GRAMD1B: variants seen among roughly 807,000 people sequenced by gnomAD.
GRAMD1B encodes protein Aster-B.
Under a neutral mutation model 99.7 loss-of-function variants are expected in GRAMD1B, and 37 were observed. The observed-to-expected ratio is 0.37, with a 90% CI of 0.29 to 0.49. The LOEUF (loss-of-function observed/expected upper bound fraction) is 0.49, where lower values mean the gene tolerates loss of function less well. Ranked by LOEUF, GRAMD1B falls within the 20% of genes least tolerant of loss-of-function variation. The pLI, the probability that GRAMD1B is intolerant of heterozygous loss-of-function variation, is 0.98. For synonymous variants in GRAMD1B, 427 were observed against 387.6 expected (o/e 1.10, Z -1.19); for missense variants, 888 against 1,009.2 (o/e 0.88, Z 1.63).
intron 10 of GRAMD1B, among the ~76,000 whole-genome samples, chr11:123,605,994 C>G (rs1952659007): frequency 6.6e-6 from 1 of 152,032 alleles, no homozygotes; most frequent in Non-Finnish European, 1.5e-5. Flanking sequence ...GGAGGTAGAA[C>G]CTTGATGAGG....
At chr11:123,461,610 T>A (rs1285015444) in intron 1 of GRAMD1B, among the ~76,000 whole-genome samples, 1 of 152,224 alleles carries the variant, frequency 6.6e-6, no homozygotes, top group Non-Finnish European at 1.5e-5. Context: ...GTTGTTGTTG[T>A]TGTTTTGTTT....
intron 2 of GRAMD1B, among the ~76,000 whole-genome samples, chr11:123,487,016 C>G (rs963900333): frequency 3.3e-5 from 5 of 152,226 alleles, no homozygotes; most frequent in African/African-American, 1.2e-4. Flanking sequence ...GTGCAGTGAG[C>G]TGAGATCGCA....
At chr11:123,546,374 A>G (rs1386521244) in intron 2 of GRAMD1B, among the ~76,000 whole-genome samples, 1 of 152,196 alleles carries the variant, frequency 6.6e-6, no homozygotes, top group African/African-American at 2.4e-5. Context: ...TTGCTCAACT[A>G]CTACTTTTCT....
At position 123,397,833 on chromosome 11, in the gene GRAMD1B, G is replaced by C. The variant is rs543594458; in HGVS notation, c.-176+39034G>C. Reference sequence around the variant, plus strand: ...CTAGAATTTCATGTATAAGTACATAGAATATGTACTTTCCCATCTGGCCTC... The same window carrying C: ...CTAGAATTTCATGTATAAGTACATACAATATGTACTTTCCCATCTGGCCTC... On this transcript the variant is annotated intron_variant, in intron 1 of 20. Transcript: ENST00000638157. 2.6e-5 allele frequency among the ~76,000 whole-genome samples: 4 copies of C among 152,254 alleles called. No individual in the cohort carries two copies. The South Asian group carries it at 8.3e-4, about 32-fold the overall frequency.
At chr11:123,573,330 T>C (rs1948367611) in intron 2 of GRAMD1B, among the ~76,000 whole-genome samples, 1 of 152,186 alleles carries the variant, frequency 6.6e-6, no homozygotes, top group South Asian at 2.1e-4. Flanking sequence ...TCTTTAATCA[T>C]CAAAAAGGAT....
chr11:123,615,551 G>A (rs1954248755), intron 17 of GRAMD1B, among the ~76,000 whole-genome samples: 2 of 152,192 alleles, frequency 1.3e-5, no homozygotes, highest in Non-Finnish European at 2.9e-5. Context: ...CAGGCGTGGT[G>A]GCAGGCGCCT....
In GRAMD1B at chr11:123,627,505, G is replaced by A. The variant is rs1338206571; in HGVS notation, c.*4910G>A. ...CCCCTGGATAATCCTGACGTGGGGTGGAGTGGGGTGAGGCAGAGGGAGCAG... is the reference window on the plus strand; with the variant it reads ...CCCCTGGATAATCCTGACGTGGGGTAGAGTGGGGTGAGGCAGAGGGAGCAG... On this transcript the variant is annotated 3_prime_UTR_variant, in exon 20 of 20. Transcript: ENST00000635736. 2 of 152,368 alleles carry A rather than the reference G, an allele frequency of 1.3e-5. No homozygotes were observed. The highest frequency in any genetic ancestry group is 4.8e-5 in the African/African-American group (2 of 41,480). 9.4% of individuals were successfully genotyped at this position (152,368 alleles called of 1,614,324 possible).
At chr11:123,402,922 C>A (rs1947718569) in intron 1 of GRAMD1B, among the ~76,000 whole-genome samples, 1 of 151,828 alleles carries the variant, frequency 6.6e-6, no homozygotes. Context: ...ACCATTTGAC[C>A]CAGCAATCCC....
chr11:123,399,898 C>T (rs1416552274), intron 1 of GRAMD1B, among the ~76,000 whole-genome samples: 1 of 152,126 alleles, frequency 6.6e-6, no homozygotes, highest in Non-Finnish European at 1.5e-5. Context: ...GGGATTACTG[C>T]ACCTGGCCCT....
chr11:123,531,450 A>G (rs1030449499), intron 2 of GRAMD1B, among the ~76,000 whole-genome samples: 2 of 152,218 alleles, frequency 1.3e-5, no homozygotes, highest in Non-Finnish European at 2.9e-5. Context: ...TCTAAGAAGA[A>G]AGAAAGAATG....
rs1948824802 is a variant in GRAMD1B at position 123,430,565 on chromosome 11, C to T, written c.-228C>T. ...CCCTCCCGGGTGGCCTCGCCGGCGGCTGACGGCCCGGAGGACGCGCGCTCC... is the reference window on the plus strand; with the variant it reads ...CCCTCCCGGGTGGCCTCGCCGGCGGTTGACGGCCCGGAGGACGCGCGCTCC... On this transcript the variant is annotated 5_prime_UTR_variant, in exon 1 of 20. Transcript: ENST00000635736. 4 of 451,236 alleles carry T rather than the reference C, an allele frequency of 8.9e-6. No homozygotes were observed. The highest frequency in any genetic ancestry group is 1.2e-5 in the Non-Finnish European group (3 of 256,908). 28.0% of individuals were successfully genotyped at this position (451,236 alleles called of 1,614,324 possible). A position where few individuals can be genotyped will look rare whatever the true frequency, so the allele number is the denominator to read the frequency against.
rs1012131362 is a variant in GRAMD1B, at chr11:123,591,874, G to A, written c.685-2208G>A. ...CTGGCTGACTTAGCAGGCCAGGGCT[G>A]GATTCACTCTCCCCTCTCCCTGCCA... is the stretch of plus-strand genomic sequence containing the variant. On this transcript the variant is annotated intron_variant, in intron 4 of 19. Coordinates refer to ENST00000635736, the MANE Select transcript of GRAMD1B (RefSeq NM_001387025.1). This position sits in a 1 kb window ranked among gnomAD's most constrained non-coding sequence, Gnocchi z 4.7. Among the ~76,000 whole-genome samples the A allele has an allele frequency of 3.3e-5, 5 of 152,156 alleles. No homozygotes were observed. The highest frequency in any genetic ancestry group is 4.4e-5 in the Non-Finnish European group (3 of 68,036).
At chr11:123,572,882 C>T (rs893772950) in intron 2 of GRAMD1B, among the ~76,000 whole-genome samples, 1 of 147,778 alleles carries the variant, frequency 6.8e-6, no homozygotes, top group African/African-American at 2.5e-5. Flanking sequence ...GCCCCGATGG[C>T]TGGGACAGGG....
intron 2 of GRAMD1B, among the ~76,000 whole-genome samples, chr11:123,487,455 C>T (rs1265688763): frequency 5.9e-5 from 9 of 152,154 alleles, no homozygotes; most frequent in Admixed American, 3.9e-4. Flanking sequence ...GTTGCTGCAG[C>T]GCCATATCCT....
rs191859137 is a variant in GRAMD1B, at chr11:123,378,035, G to A, written c.-176+19236G>A. On this transcript the variant is annotated intron_variant, in intron 1 of 20. Coordinates refer to the GRAMD1B transcript ENST00000638157. ...ATATTTCTGTGTCCACAGGTACAAA[G>A]CCAAGGACCTATGTGTTCTAGTGGT... Among the ~76,000 whole-genome samples the A allele has an allele frequency of 9.0e-3, 1,375 of 152,296 alleles. 9 individuals carry two copies. The highest frequency in any genetic ancestry group is 0.013 in the Non-Finnish European group (882 of 68,012).
intron 1 of GRAMD1B, among the ~76,000 whole-genome samples, chr11:123,469,737 TTC>T (rs756659350): frequency 3.2e-5 from 4 of 126,272 alleles, no homozygotes; most frequent in Admixed American, 8.0e-5. Flanking sequence ...TTTTCTTTCT[TTC>T]TCTTTCTTTC....
At chr11:123,582,861 A>G (rs1026650367) in intron 3 of GRAMD1B, among the ~76,000 whole-genome samples, 1 of 152,136 alleles carries the variant, frequency 6.6e-6, no homozygotes, top group African/African-American at 2.4e-5. Flanking sequence ...ACGCTTTAAC[A>G]CCAGGTGGAG....
intron 2 of GRAMD1B, among the ~76,000 whole-genome samples, chr11:123,548,884 T>C (rs1945331136): frequency 6.6e-6 from 1 of 152,192 alleles, no homozygotes; most frequent in African/African-American, 2.4e-5. Context: ...ACTGGGATTA[T>C]AGGCAAGAGC....
chr11:123,440,680 A>G (rs1338831995), intron 1 of GRAMD1B, among the ~76,000 whole-genome samples: 1 of 152,178 alleles, frequency 6.6e-6, no homozygotes, highest in African/African-American at 2.4e-5. Flanking sequence ...GGTAACTTAT[A>G]AAGAAAAGAA....
Sources: allele counts gnomAD v4.1 joint callset (sites outside exome capture counted in the v4.1 genomes callset), GRCh38; gene constraint gnomAD v4.1.1; non-coding constraint Gnocchi (gnomAD v3.1); transcripts MANE v1.5; gene names NCBI Gene and HGNC (gene_info 2026-07-23, HGNC 2026-07-21).